CYB5R4: variants seen among roughly 807,000 people sequenced by gnomAD.
The protein encoded by CYB5R4 is cytochrome b5 reductase 4.
CYB5R4 carries 55 observed loss-of-function variants against 70.2 expected under a neutral mutation model. That is an observed-to-expected ratio of 0.78 (90% CI 0.63 to 0.98). CYB5R4 has a LOEUF of 0.98. Among genes scored for constraint, CYB5R4 ranks in the 50% least tolerant of loss-of-function variants. CYB5R4 has a pLI of 0.00. For synonymous variants in CYB5R4, 197 were observed against 199.5 expected (o/e 0.99, Z 0.11); for missense variants, 562 against 612.6 (o/e 0.92, Z 0.87).
At chr6:83,930,608 C>T (rs2099467997) in intron 10 of CYB5R4, among the ~76,000 whole-genome samples, 1 of 152,136 alleles carries the variant, frequency 6.6e-6, no homozygotes, top group South Asian at 2.1e-4. Context: ...TCTGCAGTTA[C>T]TTCCTCCACT....
chr6:83,879,588 AACACCTTGT>A (rs2099459136), intron 2 of CYB5R4, among the ~76,000 whole-genome samples: 1 of 152,094 alleles, frequency 6.6e-6, no homozygotes, highest in Admixed American at 6.6e-5. Flanking sequence ...GTAGCTCATT[AACACCTTGT>A]ACTCCTGTAG....
rs1342653205 is a variant in CYB5R4, at chr6:83,918,187, C to G, written c.506+122C>G. 3 of 632,544 alleles carry G rather than the reference C, an allele frequency of 4.7e-6. No homozygotes were observed. The East Asian group carries it at 8.4e-5, about 18-fold the overall frequency. The allele number at this position is 632,544 out of a possible 1,614,324, so 39.2% of individuals were successfully genotyped here. On this transcript the variant is annotated intron_variant, in intron 6 of 15. Coordinates refer to ENST00000369681, the MANE Select transcript of CYB5R4 (RefSeq NM_016230.4). ...TTACTGTTAGTCATGCTCTTTGACA[C>G]AAGAACTGTAATGCCTCATTTATTA... is the stretch of plus-strand genomic sequence containing the variant.
intron 2 of CYB5R4, among the ~76,000 whole-genome samples, chr6:83,887,399 T>G (rs2129132823): frequency 6.6e-6 from 1 of 152,288 alleles, no homozygotes; most frequent in South Asian, 2.1e-4. Flanking sequence ...TAATTTTTAT[T>G]CAGAGAACTT....
chr6:83,940,695 G>A (rs2099469611), intron 14 of CYB5R4, 94 bp downstream of exon 14: 1 of 1,387,366 alleles, frequency 7.2e-7, no homozygotes, highest in African/African-American at 1.5e-5. Flanking sequence ...GATTGTCCAG[G>A]AAGCTCCTTC....
At chr6:83,915,127 G>A (rs2099465298) in intron 5 of CYB5R4, among the ~76,000 whole-genome samples, 1 of 152,102 alleles carries the variant, frequency 6.6e-6, no homozygotes, top group South Asian at 2.1e-4. Context: ...TAAGCTGAGT[G>A]GTGCATCCAG....
chr6:83,934,823 A>G, intron 11 of CYB5R4, 88 bp downstream of exon 11: 1 of 1,227,074 alleles, frequency 8.1e-7, no homozygotes, highest in Non-Finnish European at 1.1e-6. Context: ...ACAACCATTT[A>G]AGTTATTAAT....
Position 83,859,734 on chromosome 6 carries a change from T to C in CYB5R4, c.-49T>C, listed in dbSNP as rs1411082148. ...CACAGAGCCGGAGCTGGAGGTGCTG[T>C]CCCGTCTGGCGGCGATCCCCGGGCA... is the stretch of plus-strand genomic sequence containing the variant. On this transcript the variant is annotated 5_prime_UTR_variant, in exon 1 of 16. Transcript: ENST00000369681. The C allele has an allele frequency of 1.9e-6, 3 of 1,597,826 alleles. No homozygotes were observed. Among genetic ancestry groups the C allele is most frequent in the Non-Finnish European group, 2.6e-6 (3 of 1,169,052 alleles).
chr6:83,936,560 G>A (rs1405102623), intron 12 of CYB5R4, among the ~76,000 whole-genome samples, 184 bp downstream of exon 12: 1 of 152,028 alleles, frequency 6.6e-6, no homozygotes, highest in Non-Finnish European at 1.5e-5. Context: ...ATTATTTGCA[G>A]CATCACTGTT....
intron 3 of CYB5R4, among the ~76,000 whole-genome samples, chr6:83,905,905 G>A (rs1208924928): frequency 1.3e-5 from 2 of 152,164 alleles, no homozygotes; most frequent in Non-Finnish European, 2.9e-5. Context: ...GGAGGTGCTA[G>A]CTGTGGTGAT....
At chr6:83,867,752 C>T (rs563940266) in intron 2 of CYB5R4, among the ~76,000 whole-genome samples, 5 of 152,310 alleles carry the variant, frequency 3.3e-5, no homozygotes, top group South Asian at 2.1e-4. Flanking sequence ...CATGACTCAG[C>T]GGGTTTGGAG....
chr6:83,882,542 T>C (rs1049471176), intron 2 of CYB5R4, among the ~76,000 whole-genome samples: 3 of 152,148 alleles, frequency 2.0e-5, no homozygotes, highest in Non-Finnish European at 2.9e-5. Context: ...ACAACATATT[T>C]ATAAGGTCAG....
intron 1 of CYB5R4, among the ~76,000 whole-genome samples, chr6:83,861,946 C>T (rs768714735): frequency 1.3e-4 from 20 of 152,120 alleles, no homozygotes; most frequent in African/African-American, 3.6e-4. Flanking sequence ...AAATTAGTTT[C>T]GTTGTACATA....
chr6:83,915,962 CTTAA>C (rs921506417), intron 5 of CYB5R4, among the ~76,000 whole-genome samples: 7 of 152,080 alleles, frequency 4.6e-5, no homozygotes, highest in East Asian at 1.9e-4. Flanking sequence ...CCTTGCATTA[CTTAA>C]TTATTTTTTT....
At chr6:83,863,349 A>C (rs1210110738) in intron 1 of CYB5R4, among the ~76,000 whole-genome samples, 1 of 152,120 alleles carries the variant, frequency 6.6e-6, no homozygotes, top group Non-Finnish European at 1.5e-5. Context: ...ATAGTTTGCC[A>C]CCCCTTCCCT....
intron 5 of CYB5R4, among the ~76,000 whole-genome samples, chr6:83,917,101 G>A (rs762102161): frequency 1.3e-4 from 20 of 152,018 alleles, no homozygotes; most frequent in Non-Finnish European, 2.4e-4. Flanking sequence ...AGAGTTTTCT[G>A]AAGTCATTTA....
chr6:83,906,676 G>T (rs1290880715), intron 3 of CYB5R4, among the ~76,000 whole-genome samples: 2 of 152,116 alleles, frequency 1.3e-5, no homozygotes, highest in Non-Finnish European at 2.9e-5. Flanking sequence ...TTGAATTTCA[G>T]TGTTCTCTCT....
At chr6:83,890,129 A>G (rs1280168248) in intron 2 of CYB5R4, among the ~76,000 whole-genome samples, 1 of 152,196 alleles carries the variant, frequency 6.6e-6, no homozygotes, top group Non-Finnish European at 1.5e-5. Flanking sequence ...TAAGAAATAC[A>G]TTTTATAAGG....
chr6:83,953,501 G>A (rs1735996150), intron 14 of CYB5R4, among the ~76,000 whole-genome samples: 1 of 151,966 alleles, frequency 6.6e-6, no homozygotes, highest in African/African-American at 2.4e-5. Flanking sequence ...AACAAAAGCA[G>A]GAAAAGCTGG....
In CYB5R4 at chr6:83,955,371, C is replaced by A. The variant is rs770935241; in HGVS notation, c.1420C>A (p.Leu474Ile). ...NGKQGHISPA[L>I]LSEFLKRNLD... ...CAAACAGGGACATATTTCACCAGCT[C>A]TTCTTTCTGAATTTTTGAAAAGAAA... The change falls in exon 15 of 16, where the codon CTT (leucine) becomes ATT (isoleucine). Residue 474 changes from leucine to isoleucine, a missense_variant. Physicochemically the swap from Leu to Ile is conservative, Grantham distance 5. Transcript: ENST00000369681. 3 of 1,613,952 alleles carry A rather than the reference C, an allele frequency of 1.9e-6. No individual in the cohort carries two copies. Among genetic ancestry groups the A allele is most frequent in the South Asian group, 2.2e-5 (2 of 91,068 alleles).
Sources: allele counts gnomAD v4.1 joint callset (sites outside exome capture counted in the v4.1 genomes callset), GRCh38; gene constraint gnomAD v4.1.1; transcripts MANE v1.5; gene names NCBI Gene and HGNC (gene_info 2026-07-23, HGNC 2026-07-21).